NCKAP1: variants seen among roughly 807,000 people sequenced by gnomAD.
NCKAP1 encodes nck-associated protein 1.
A neutral mutation model predicts 151.2 loss-of-function variants in NCKAP1; 21 were observed. That is an observed-to-expected ratio of 0.14 (90% CI 0.10 to 0.20). The LOEUF (loss-of-function observed/expected upper bound fraction) is 0.20. Among genes scored for constraint, NCKAP1 ranks in the 10% least tolerant of loss-of-function variants. NCKAP1 has a pLI of 1.00. For missense variants in NCKAP1, 933 were observed against 1,352.1 expected, an observed-to-expected ratio of 0.69 and a Z score of 4.86; for synonymous variants, 484 against 451.8, an observed-to-expected ratio of 1.07 and a Z score of -0.90.
At chr2:182,933,972 A>T (rs888802216) in intron 26 of NCKAP1, among the ~76,000 whole-genome samples, 1 of 152,190 alleles carries the variant, frequency 6.6e-6, no homozygotes, top group African/African-American at 2.4e-5. Context: ...AAGCTCACAG[A>T]AGTCTGCCAA....
chr2:182,983,931 T>G (rs1404277947), intron 10 of NCKAP1, among the ~76,000 whole-genome samples: 3 of 151,684 alleles, frequency 2.0e-5, no homozygotes, highest in Non-Finnish European at 4.4e-5. Flanking sequence ...CTTGGGAGGC[T>G]GAGGCAGGAA....
chr2:182,997,470 T>C (rs1424933575), intron 6 of NCKAP1, among the ~76,000 whole-genome samples: 1 of 152,230 alleles, frequency 6.6e-6, no homozygotes, highest in Non-Finnish European at 1.5e-5. Flanking sequence ...AAAGAATTTT[T>C]TTATTTCTGC....
At chr2:183,015,787 G>A (rs1328880147) in intron 2 of NCKAP1, among the ~76,000 whole-genome samples, 11 of 148,556 alleles carry the variant, frequency 7.4e-5, no homozygotes, top group Admixed American at 1.3e-4. Context: ...TCAGAACACT[G>A]TATAATTACA....
At position 182,920,746 on chromosome 2, in the gene NCKAP1, C is replaced by T. The variant is rs1439127135; in HGVS notation, c.*4956G>A. ...CTCCACTCTCATGACCTAATCACCT[C>T]CCAAAGGCCCCACATCCTGTCACAC... On this transcript the variant is annotated 3_prime_UTR_variant, in exon 31 of 31. Transcript: ENST00000361354. 6.6e-6 allele frequency: 1 copy of T among 152,110 alleles called. No homozygotes were observed. The highest frequency in any genetic ancestry group is 2.4e-5 in the African/African-American group (1 of 41,406). 9.4% of individuals were successfully genotyped at this position (152,110 alleles called of 1,614,324 possible).
intron 18 of NCKAP1, among the ~76,000 whole-genome samples, chr2:182,958,841 G>A (rs1697379189): frequency 6.6e-6 from 1 of 152,206 alleles, no homozygotes; most frequent in South Asian, 2.1e-4. Context: ...GTACATTACA[G>A]TAGCCACATG....
At chr2:182,945,564 T>C (rs1697087103) in intron 23 of NCKAP1, among the ~76,000 whole-genome samples, 1 of 152,216 alleles carries the variant, frequency 6.6e-6, no homozygotes, top group African/African-American at 2.4e-5. Context: ...AACTACAATA[T>C]TTTCAGAGGG....
chr2:183,008,406 C>T (rs1698522787), intron 2 of NCKAP1, among the ~76,000 whole-genome samples: 2 of 152,090 alleles, frequency 1.3e-5, no homozygotes, highest in Admixed American at 1.3e-4. Flanking sequence ...ACAGTTTCAC[C>T]TCACAATTAG....
chr2:183,005,220 T>C (rs1435887578), intron 2 of NCKAP1, among the ~76,000 whole-genome samples: 1 of 152,212 alleles, frequency 6.6e-6, no homozygotes, highest in Non-Finnish European at 1.5e-5. Context: ...TTCATAATAG[T>C]AAGATATGAA....
In NCKAP1 at chr2:182,956,612, C is replaced by T. The variant is rs113233157; in HGVS notation, c.2022-19G>A. 1 of 1,592,450 alleles carries T rather than the reference C, an allele frequency of 6.3e-7. No individual in the cohort carries two copies. The highest frequency in any genetic ancestry group is 1.9e-4 in the Middle Eastern group (1 of 5,270). ...ATCAAGGCTGAAAAAAATTAATAAA[C>T]AGTTAAAATGTTCACATGTCATCAC... On this transcript the variant is annotated intron_variant, in intron 19 of 30. Transcript: ENST00000361354.
At chr2:183,015,493 A>C (rs1434193549) in intron 2 of NCKAP1, among the ~76,000 whole-genome samples, 2 of 151,930 alleles carry the variant, frequency 1.3e-5, no homozygotes, top group East Asian at 3.8e-4. Flanking sequence ...AGGAAAAAAA[A>C]AAAATTATAA....
intron 8 of NCKAP1, among the ~76,000 whole-genome samples, chr2:182,991,396 TA>T (rs1222646444): frequency 6.6e-6 from 1 of 151,988 alleles, no homozygotes; most frequent in Non-Finnish European, 1.5e-5. Flanking sequence ...CCATCTCTAC[TA>T]AAAATACAAA....
intron 2 of NCKAP1, among the ~76,000 whole-genome samples, chr2:183,009,232 G>C (rs1004682823): frequency 6.6e-6 from 1 of 151,956 alleles, no homozygotes; most frequent in Non-Finnish European, 1.5e-5. Flanking sequence ...AAATTAGCCG[G>C]CATGGCAGGT....
chr2:182,986,573 A>G (rs1698061134), intron 9 of NCKAP1, among the ~76,000 whole-genome samples: 2 of 152,210 alleles, frequency 1.3e-5, no homozygotes, highest in African/African-American at 4.8e-5. Context: ...CCAAAAGTCT[A>G]AAGTACTGAC....
intron 6 of NCKAP1, among the ~76,000 whole-genome samples, chr2:182,997,592 G>A (rs1698294924): frequency 6.6e-6 from 1 of 152,132 alleles, no homozygotes; most frequent in Non-Finnish European, 1.5e-5. Context: ...ACTCCAGTAT[G>A]GTCTGAGAAG....
intron 13 of NCKAP1, among the ~76,000 whole-genome samples, 198 bp downstream of exon 13, chr2:182,981,046 T>C (rs1280811273): frequency 1.3e-5 from 2 of 152,236 alleles, no homozygotes; most frequent in African/African-American, 2.4e-5. Context: ...GAGCTTTATA[T>C]ATACTTAATG....
rs1004028342 is a variant in NCKAP1, at chr2:182,914,061, G to C, written c.*11641C>G. 6.6e-6 allele frequency: 1 copy of C among 152,200 alleles called. No individual in the cohort carries two copies. The highest frequency in any genetic ancestry group is 1.5e-5 in the Non-Finnish European group (1 of 68,038). The allele number at this position is 152,200 out of a possible 1,614,324, so 9.4% of individuals were successfully genotyped here. On this transcript the variant is annotated 3_prime_UTR_variant, in exon 31 of 31. Coordinates refer to ENST00000361354, the MANE Select transcript of NCKAP1 (RefSeq NM_013436.5). ...CCTCATTTAATCAGTTGTAGCCAGG[G>C]AGAAGTCACATATTGGTATCAGAGT...
At position 182,934,733 on chromosome 2, in the gene NCKAP1, C is replaced by G. The variant is rs1358410543; in HGVS notation, c.2859+19G>C. ...TCGCTTTAGAGACTGTAAACCCCAA[C>G]TATAAATTATATTATTACCTTCATA... is the stretch of plus-strand genomic sequence containing the variant. On this transcript the variant is annotated intron_variant, in intron 26 of 30. Coordinates refer to ENST00000361354, the MANE Select transcript of NCKAP1 (RefSeq NM_013436.5). 2.4e-6 allele frequency: 3 copies of G among 1,239,930 alleles called. No homozygotes were observed. Among genetic ancestry groups the G allele is most frequent in the Non-Finnish European group, 2.3e-6 (2 of 864,040 alleles). 76.8% of individuals were successfully genotyped at this position (1,239,930 alleles called of 1,614,324 possible). A position where few individuals can be genotyped will look rare whatever the true frequency, so the allele number is the denominator to read the frequency against.
In NCKAP1 at chr2:182,980,560, T is replaced by A. The variant is rs532015479; in HGVS notation, c.1341+684A>T. Among the ~76,000 whole-genome samples, 3 of 152,160 alleles carry A rather than the reference T, an allele frequency of 2.0e-5. No individual in the cohort carries two copies. In the East Asian group the frequency reaches 5.8e-4, roughly 29 times the overall value. ...AGTTTATTTGGAATAAAAAGTTTTT[T>A]AAATTTAAATAAAGATGAAAAATAT... On this transcript the variant is annotated intron_variant, in intron 13 of 30. Coordinates refer to ENST00000361354, the MANE Select transcript of NCKAP1 (RefSeq NM_013436.5).
chr2:183,024,279 A>T (rs1698847924), intron 1 of NCKAP1, among the ~76,000 whole-genome samples: 1 of 152,202 alleles, frequency 6.6e-6, no homozygotes, highest in Admixed American at 6.5e-5. Context: ...AGTACTAGAC[A>T]TGTTTCTTTC....
Sources: gnomAD v4.1 joint callset for allele counts (sites outside exome capture counted in the v4.1 genomes callset) on GRCh38, gnomAD v4.1.1 for gene constraint, MANE v1.5 for transcripts, NCBI Gene and HGNC (gene_info 2026-07-23, HGNC 2026-07-21) for gene names.